The following TEX11 variants were observed in gnomAD, a reference collection of about 807,000 sequenced individuals.
The protein encoded by TEX11 is testis-expressed protein 11.
A neutral mutation model predicts 84.4 loss-of-function variants in TEX11; 7 were observed. The ratio of observed to expected loss-of-function variants is 0.08; its 90% CI spans 0.05 to 0.16. The LOEUF is 0.16. Among genes scored for constraint, TEX11 ranks in the 10% least tolerant of loss-of-function variants. TEX11 has a pLI of 1.00. For synonymous variants in TEX11, 264 were observed against 222.8 expected (o/e 1.18, Z -1.64); for missense variants, 551 against 660.5 (o/e 0.83, Z 1.82).
intron 7 of TEX11, among the ~76,000 whole-genome samples, chrX:70,839,062 G>C (rs1165558525): frequency 1.8e-5 from 2 of 112,739 alleles, no homozygotes; most frequent in Non-Finnish European, 3.8e-5. Flanking sequence ...CCACCTCTGG[G>C]AGCAGGGCAC....
At chrX:70,805,427 G>T (rs2091213313) in intron 9 of TEX11, among the ~76,000 whole-genome samples, 1 of 105,702 alleles carries the variant, frequency 9.5e-6, no homozygotes, top group African/African-American at 3.5e-5. Context: ...TTTTGAGACG[G>T]AGTCTCTCTG....
intron 17 of TEX11, among the ~76,000 whole-genome samples, chrX:70,649,079 G>T (rs970381304): frequency 8.9e-6 from 1 of 111,767 alleles, no homozygotes; most frequent in East Asian, 2.8e-4. Context: ...AGTATTCCAC[G>T]GTGTATATGT....
intron 9 of TEX11, among the ~76,000 whole-genome samples, chrX:70,795,567 C>A (rs1337730214): frequency 8.9e-6 from 1 of 112,026 alleles, no homozygotes; most frequent in East Asian, 2.8e-4. Context: ...TCAGACACAG[C>A]AGTCCCAGGG....
chrX:70,624,098 T>C, intron 19 of TEX11, 92 bp from the exon 20 acceptor site: 1 of 622,880 alleles, frequency 1.6e-6, no homozygotes. Flanking sequence ...TTGATTACTC[T>C]GGGAGGGAGA....
intron 28 of TEX11, among the ~76,000 whole-genome samples, chrX:70,533,953 G>A (rs908677035): frequency 1.1e-4 from 12 of 108,144 alleles, no homozygotes; most frequent in Non-Finnish European, 1.5e-4. Context: ...TTAGCTGGGC[G>A]TGGTGGCGGG....
intron 2 of TEX11, among the ~76,000 whole-genome samples, chrX:70,892,369 C>A (rs1185792271): frequency 9.0e-6 from 1 of 111,604 alleles, no homozygotes; most frequent in East Asian, 2.8e-4. Context: ...CAGATAGCAT[C>A]ATGTTGACAG....
intron 16 of TEX11, among the ~76,000 whole-genome samples, chrX:70,666,822 C>T (rs937661329): frequency 3.6e-5 from 4 of 111,488 alleles, no homozygotes; most frequent in African/African-American, 1.3e-4. Flanking sequence ...GTTATTCCCT[C>T]CATCTGGAAT....
the TEX11 span, among the ~76,000 whole-genome samples, chrX:70,516,758 G>C: frequency 3.6e-5 from 4 of 110,639 alleles, no homozygotes; most frequent in South Asian, 1.2e-3. Flanking sequence ...CATGAGCATG[G>C]AATGTTCTTC....
intron 25 of TEX11, among the ~76,000 whole-genome samples, chrX:70,579,519 CAA>C (rs763815527): frequency 1.1e-4 from 1 of 9,022 alleles, no homozygotes; most frequent in Non-Finnish European, 2.6e-4. Flanking sequence ...ACAAAAAAAA[CAA>C]AAAAAAAAAA....
chrX:70,837,512 G>A lies in TEX11; in HGVS notation c.526-3919C>T, dbSNP rs144535531. Among the ~76,000 whole-genome samples, 824 of 110,744 alleles carry A rather than the reference G, an allele frequency of 7.4e-3. 7 individuals are homozygous for A. The highest frequency in any genetic ancestry group is 0.026 in the African/African-American group (792 of 30,497). On this transcript the variant is annotated intron_variant, in intron 7 of 29. Coordinates refer to ENST00000374333, the MANE Select transcript of TEX11 (RefSeq NM_031276.3). The stretch of plus-strand genomic sequence containing the variant: ...CAGGAGGCAGTAGTTGCAGTGAGCC[G>A]AGATCACGCCATTGCACTCCAGCCT...
intron 23 of TEX11, 144 bp from the exon 24 acceptor site, chrX:70,605,661 C>T (rs1344067298): frequency 2.5e-6 from 1 of 397,029 alleles, no homozygotes; most frequent in Admixed American, 4.4e-5. Context: ...ATGATATAAA[C>T]TATAATACTG....
chrX:70,730,500 A>G (rs1201714981), intron 11 of TEX11, among the ~76,000 whole-genome samples: 1 of 111,812 alleles, frequency 8.9e-6, no homozygotes, highest in South Asian at 3.8e-4. Flanking sequence ...AGGGGTTGCA[A>G]TCTTACTCTC....
At chrX:70,653,964 T>C (rs976127630) in intron 16 of TEX11, among the ~76,000 whole-genome samples, 1 of 112,051 alleles carries the variant, frequency 8.9e-6, no homozygotes, top group Non-Finnish European at 1.9e-5. Context: ...ATTCCAATTA[T>C]GTGACATTCT....
chrX:70,851,666 T>TACACAC (rs55903537), intron 7 of TEX11, among the ~76,000 whole-genome samples: 18,117 of 91,805 alleles, frequency 0.2, 1,587 homozygotes, highest in African/African-American at 0.26. Flanking sequence ...ATTAAAAACA[T>TACACAC]ACACACACAC....
chrX:70,593,615 A>G (rs2088964828), intron 24 of TEX11, among the ~76,000 whole-genome samples: 2 of 112,312 alleles, frequency 1.8e-5, no homozygotes, highest in South Asian at 7.4e-4. Flanking sequence ...CAAATACTAA[A>G]TGAAACCACA....
At chrX:70,895,696 A>G (rs764329110) in intron 2 of TEX11, among the ~76,000 whole-genome samples, 1 of 111,868 alleles carries the variant, frequency 8.9e-6, no homozygotes, top group East Asian at 2.8e-4. Context: ...GGAACAGAAC[A>G]GAAGCTTCAG....
chrX:70,520,049 A>T, the TEX11 span, among the ~76,000 whole-genome samples: 2 of 110,385 alleles, frequency 1.8e-5, no homozygotes, highest in Non-Finnish European at 3.8e-5. Flanking sequence ...GCTTCCTTGC[A>T]ATGGGTTCGA....
At chrX:70,789,499 C>T (rs994569381) in intron 9 of TEX11, among the ~76,000 whole-genome samples, 7 of 111,459 alleles carry the variant, frequency 6.3e-5, no homozygotes, top group Non-Finnish European at 1.1e-4. Context: ...AGCTGAAGCA[C>T]GATAATCACT....
intron 7 of TEX11, among the ~76,000 whole-genome samples, chrX:70,836,499 T>C (rs942053619): frequency 1.8e-5 from 2 of 110,696 alleles, no homozygotes; most frequent in African/African-American, 6.6e-5. Context: ...AAATAGAAAA[T>C]AGACAAGAAA....
Sources: allele counts gnomAD v4.1 joint callset (sites outside exome capture counted in the v4.1 genomes callset), GRCh38; gene constraint gnomAD v4.1.1; transcripts MANE v1.5; gene names NCBI Gene and HGNC (gene_info 2026-07-23, HGNC 2026-07-21).